PSD3: variants seen among roughly 807,000 people sequenced by gnomAD.
PSD3 encodes the protein pleckstrin and Sec7 domain containing 3.
PSD3 carries 49 observed loss-of-function variants against 105.5 expected under a neutral mutation model. The observed-to-expected ratio is 0.46, with a 90% CI of 0.37 to 0.59. PSD3 has a LOEUF of 0.59. Among genes scored for constraint, PSD3 ranks in the 20% least tolerant of loss-of-function variants. PSD3 has a pLI of 0.00. For missense variants in PSD3, 1,561 were observed against 1,263.8 expected, an observed-to-expected ratio of 1.24 and a Z score of -3.57; for synonymous variants, 557 against 457.8, an observed-to-expected ratio of 1.22 and a Z score of -2.77.
At chr8:18,701,340 C>G (rs1251736332) in intron 9 of PSD3, among the ~76,000 whole-genome samples, 3 of 152,094 alleles carry the variant, frequency 2.0e-5, no homozygotes, top group African/African-American at 7.2e-5. Context: ...TGCTGTGTCT[C>G]TTGAGTTGGT....
intron 9 of PSD3, among the ~76,000 whole-genome samples, chr8:18,667,590 A>C (rs1799544728): frequency 6.6e-6 from 1 of 152,344 alleles, no homozygotes; most frequent in South Asian, 2.1e-4. Flanking sequence ...TCAAGTCCCC[A>C]AATAGATTTA....
intron 2 of PSD3, among the ~76,000 whole-genome samples, chr8:18,879,081 C>CAT (rs1187689626): frequency 7.1e-4 from 104 of 145,664 alleles, no homozygotes; most frequent in African/African-American, 2.6e-3. Context: ...CACACACACA[C>CAT]ACACACGCAC....
At chr8:18,896,319 T>A (rs557631431) in intron 2 of PSD3, among the ~76,000 whole-genome samples, 1 of 152,366 alleles carries the variant, frequency 6.6e-6, no homozygotes, top group East Asian at 1.9e-4. Flanking sequence ...TTTCCTTTTT[T>A]CTGGATATAT....
intron 1 of PSD3, among the ~76,000 whole-genome samples, chr8:19,051,600 C>T (rs766586205): frequency 4.6e-5 from 7 of 152,154 alleles, no homozygotes; most frequent in Middle Eastern, 3.2e-3. Flanking sequence ...GGCTCTGAGG[C>T]AGCAGAGGAA....
rs564040023 is a variant in PSD3 at position 18,614,327 on chromosome 8, C to T, written c.2411-13893G>A. 8.1e-4 allele frequency among the ~76,000 whole-genome samples: 122 copies of T among 151,300 alleles called. 2 individuals are homozygous for T. The highest frequency in any genetic ancestry group is 2.6e-3 in the African/African-American group (106 of 40,866). ...TGCTGCAACCACAGAGCAGATTAAC[C>T]CCTTCTCCCCCATCCCCCCCCCAAA... is the stretch of plus-strand genomic sequence containing the variant. On this transcript the variant is annotated intron_variant, in intron 11 of 15. Coordinates refer to ENST00000327040, the MANE Select transcript of PSD3 (RefSeq NM_015310.4).
At chr8:18,607,742 A>G (rs2130620814) in intron 11 of PSD3, among the ~76,000 whole-genome samples, 1 of 151,346 alleles carries the variant, frequency 6.6e-6, no homozygotes, top group Non-Finnish European at 1.5e-5. Context: ...ACATTCTCAC[A>G]TTGCTAATAA....
At chr8:18,663,552 G>T (rs936559467) in intron 9 of PSD3, among the ~76,000 whole-genome samples, 1 of 152,078 alleles carries the variant, frequency 6.6e-6, no homozygotes, top group African/African-American at 2.4e-5. Flanking sequence ...TTTGGGGGTG[G>T]ACTTGATCAA....
intron 15 of PSD3, among the ~76,000 whole-genome samples, chr8:18,554,580 C>A (rs1335137179): frequency 6.6e-5 from 10 of 152,182 alleles, no homozygotes; most frequent in Non-Finnish European, 1.2e-4. Context: ...TCAAATGCTA[C>A]ATTTGATAAC....
At chr8:18,649,546 T>C (rs1046506315) in intron 10 of PSD3, among the ~76,000 whole-genome samples, 1 of 152,148 alleles carries the variant, frequency 6.6e-6, no homozygotes, top group Admixed American at 6.5e-5. Flanking sequence ...TTGTCTCAGA[T>C]AAGAGTGAGT....
intron 9 of PSD3, among the ~76,000 whole-genome samples, chr8:18,720,108 T>C (rs1391051468): frequency 6.6e-6 from 1 of 152,148 alleles, no homozygotes; most frequent in Non-Finnish European, 1.5e-5. Flanking sequence ...CCATTTCCAA[T>C]GTATGGGAAA....
At chr8:19,055,993 G>C (rs1239807108) in intron 1 of PSD3, among the ~76,000 whole-genome samples, 1 of 152,178 alleles carries the variant, frequency 6.6e-6, no homozygotes, top group African/African-American at 2.4e-5. Context: ...GACACATTCT[G>C]CTGTAACATA....
At position 18,704,384 on chromosome 8, in the gene PSD3, C is replaced by T. The variant is rs148511841; in HGVS notation, c.2173-48699G>A. ...TGAGACAGAGTCTCTGTCGCACAGG[C>T]TGGAGTGCAGTTGTGTGGTCTCGGC... On this transcript the variant is annotated intron_variant, in intron 9 of 15. Transcript: ENST00000327040. Among the ~76,000 whole-genome samples the T allele has an allele frequency of 9.9e-5, 15 of 152,248 alleles. No homozygotes were observed. The East Asian group carries it at 2.1e-3, about 22-fold the overall frequency.
At chr8:18,863,668 G>A (rs1196905784) in intron 4 of PSD3, among the ~76,000 whole-genome samples, 2 of 152,096 alleles carry the variant, frequency 1.3e-5, no homozygotes, top group African/African-American at 4.8e-5. Flanking sequence ...ATTTATTCCA[G>A]GATTTTAAGA....
chr8:18,893,711 G>T (rs1818962701), intron 2 of PSD3, among the ~76,000 whole-genome samples: 1 of 151,920 alleles, frequency 6.6e-6, no homozygotes. Context: ...CAGAACTCCA[G>T]GCCCAGGCCC....
rs1373602157 is a variant in PSD3, at chr8:18,531,474, C to T, written c.*4269G>A. 1 of 152,242 alleles carries T rather than the reference C, an allele frequency of 6.6e-6. No homozygotes were observed. Among genetic ancestry groups the T allele is most frequent in the Non-Finnish European group, 1.5e-5 (1 of 68,042 alleles). 9.4% of individuals were successfully genotyped at this position (152,242 alleles called of 1,614,324 possible). A position where few individuals can be genotyped will look rare whatever the true frequency, so the allele number is the denominator to read the frequency against. On this transcript the variant is annotated 3_prime_UTR_variant, in exon 16 of 16. Coordinates refer to ENST00000327040, the MANE Select transcript of PSD3 (RefSeq NM_015310.4). ...GAGAAAAATCAGTGACAAAGCCCCTCTCTATTGCTATCAATAATCTATCAC... is the reference window on the plus strand; with the variant it reads ...GAGAAAAATCAGTGACAAAGCCCCTTTCTATTGCTATCAATAATCTATCAC...
At chr8:18,666,631 G>C (rs901104127) in intron 9 of PSD3, among the ~76,000 whole-genome samples, 1 of 151,776 alleles carries the variant, frequency 6.6e-6, no homozygotes, top group Non-Finnish European at 1.5e-5. Flanking sequence ...GACTCCGGGG[G>C]TTTGGAGAAA....
chr8:18,774,491 C>G, intron 8 of PSD3: 1 of 227,714 alleles, frequency 4.4e-6, no homozygotes, highest in Non-Finnish European at 8.7e-6. Flanking sequence ...TATTTTTGTG[C>G]CCATTAACCT....
chr8:18,677,892 C>A (rs1004086457), intron 9 of PSD3, among the ~76,000 whole-genome samples: 1 of 151,904 alleles, frequency 6.6e-6, no homozygotes, highest in Non-Finnish European at 1.5e-5. Context: ...TGCCTGTAGT[C>A]CCAGCTACTC....
intron 6 of PSD3, among the ~76,000 whole-genome samples, chr8:18,802,561 C>G (rs1412601025): frequency 6.6e-6 from 1 of 152,080 alleles, no homozygotes; most frequent in Non-Finnish European, 1.5e-5. Flanking sequence ...GGCAAAAATA[C>G]AGATCTTTCA....
Sources: allele counts gnomAD v4.1 joint callset (sites outside exome capture counted in the v4.1 genomes callset), GRCh38; gene constraint gnomAD v4.1.1; transcripts MANE v1.5; gene names NCBI Gene and HGNC (gene_info 2026-07-23, HGNC 2026-07-21).